The following CCDC125 variants were observed in gnomAD, a reference collection of about 807,000 sequenced individuals.
The protein encoded by CCDC125 is coiled-coil domain-containing protein 125.
In CCDC125, 43 loss-of-function variants were observed where a neutral mutation model predicts 57.4. The observed-to-expected ratio is 0.75, with a 90% CI of 0.59 to 0.97. The LOEUF (loss-of-function observed/expected upper bound fraction) is 0.97. Ranked by LOEUF, CCDC125 falls within the 50% of genes least tolerant of loss-of-function variation. The probability of loss-of-function intolerance (pLI) is 0.00; values close to 1 mark genes in which losing one functional copy is unlikely to be tolerated. For synonymous variants in CCDC125, 187 were observed against 195.2 expected, an observed-to-expected ratio of 0.96 and a Z score of 0.35; for missense variants, 563 against 595.7, an observed-to-expected ratio of 0.95 and a Z score of 0.57.
At chr5:69,283,875 C>T (rs377448296) in intron 11 of CCDC125, among the ~76,000 whole-genome samples, 87 of 151,728 alleles carry the variant, frequency 5.7e-4, no homozygotes, top group South Asian at 3.5e-3. Context: ...CTGCAAGCTC[C>T]GCTCTCCTGG....
intron 9 of CCDC125, among the ~76,000 whole-genome samples, chr5:69,293,396 A>C (rs953068759): frequency 7.2e-5 from 11 of 152,148 alleles, no homozygotes; most frequent in Non-Finnish European, 1.3e-4. Context: ...TCACGCCTGT[A>C]ATCCCAGCAC....
chr5:69,294,801 T>G lies in CCDC125; in HGVS notation c.916A>C (p.Lys306Gln), dbSNP rs772078031. 1.2e-6 allele frequency: 2 copies of G among 1,613,094 alleles called. No individual in the cohort carries two copies. The highest frequency in any genetic ancestry group is 2.2e-5 in the South Asian group (2 of 91,030). The change falls in exon 9 of 12, where the codon AAA (lysine) becomes CAA (glutamine). Residue 306 changes from lysine to glutamine, a missense_variant. Lys to Gln is a moderately conservative substitution (Grantham distance 53). Coordinates refer to ENST00000396496, the MANE Select transcript of CCDC125 (RefSeq NM_176816.5). Reference sequence around the variant, plus strand: ...TTGTGATAACGCAATACCTCTTGTTTGAGCTGAAGAAGCAGTTTCCGAGTG... The same window carrying G: ...TTGTGATAACGCAATACCTCTTGTTGGAGCTGAAGAAGCAGTTTCCGAGTG... Reference protein sequence around the residue: ...ASTRKLLLQLKQELEILQKSK... With the variant: ...ASTRKLLLQLQQELEILQKSK...
At chr5:69,273,915 A>G in the CCDC125 span, among the ~76,000 whole-genome samples, 2 of 152,186 alleles carry the variant, frequency 1.3e-5, no homozygotes, top group African/African-American at 4.8e-5. Flanking sequence ...ATAGATAGAT[A>G]TAGATGGATA....
rs773478953 is a variant in CCDC125 at position 69,320,325 on chromosome 5, C to T, written c.216G>A (p.Ala72=). 10 of 1,613,862 alleles carry T rather than the reference C, an allele frequency of 6.2e-6. No individual in the cohort carries two copies. The highest frequency in any genetic ancestry group is 4.0e-5 in the African/African-American group (3 of 74,866). Residue 72 remains alanine (A), a synonymous_variant, in exon 2 of 12, where the codon GCG becomes GCA. Transcript: ENST00000396496. The part of the protein sequence containing the change: ...FPRKGEERNE[A]SFQYSKHKSQ... ...TCTTATGCTTGGAATACTGAAAACT[C>T]GCTTCATTTCTTTCTTCTCCCTTTC...
downstream of CCDC125, chr5:69,276,763 T>C: frequency 1.6e-6 from 2 of 1,255,566 alleles, no homozygotes; most frequent in South Asian, 2.6e-5. Context: ...GGCTAGCGAC[T>C]GAACAACAGC....
At chr5:69,277,150 A>C (rs1256827990), downstream of CCDC125, 10 of 1,587,842 alleles carry the variant, frequency 6.3e-6, no homozygotes, top group Admixed American at 1.8e-4. Context: ...AACACTGGAC[A>C]ACATTTTACT....
At chr5:69,293,629 C>A (rs1437487295) in intron 9 of CCDC125, among the ~76,000 whole-genome samples, 1 of 137,686 alleles carries the variant, frequency 7.3e-6, no homozygotes, top group Non-Finnish European at 1.5e-5. Flanking sequence ...GCCTGGGCGA[C>A]AGAGCAAGAA....
At chr5:69,331,267 C>T (rs1761382075) in intron 1 of CCDC125, among the ~76,000 whole-genome samples, 1 of 151,846 alleles carries the variant, frequency 6.6e-6, no homozygotes, top group African/African-American at 2.4e-5. Flanking sequence ...GCACTATTGT[C>T]TGTCACCCAC....
At chr5:69,289,862 CA>C (rs11284379) in intron 10 of CCDC125, among the ~76,000 whole-genome samples, 63,681 of 111,530 alleles carry the variant, frequency 0.57, 14,546 homozygotes, top group African/African-American at 0.58. Context: ...GATGCTGCCT[CA>C]AAAAAAAAAA....
chr5:69,317,427 C>T (rs193057687), intron 2 of CCDC125, among the ~76,000 whole-genome samples: 56 of 152,182 alleles, frequency 3.7e-4, no homozygotes, highest in African/African-American at 1.3e-3. Flanking sequence ...AAAAATAATC[C>T]CATTCTGATT....
At chr5:69,318,588 C>CAAA (rs111666293) in intron 2 of CCDC125, among the ~76,000 whole-genome samples, 13 of 130,158 alleles carry the variant, frequency 1.0e-4, no homozygotes, top group African/African-American at 3.2e-4. Flanking sequence ...ACTAAAAATA[C>CAAA]AAAAAAAAAA....
intron 1 of CCDC125, among the ~76,000 whole-genome samples, chr5:69,324,214 A>G (rs1760446994): frequency 6.6e-6 from 1 of 152,240 alleles, no homozygotes; most frequent in East Asian, 1.9e-4. Context: ...ATACCCTTAA[A>G]AGATTTGAAC....
intron 2 of CCDC125, among the ~76,000 whole-genome samples, chr5:69,319,477 G>A (rs1037278432): frequency 2.0e-5 from 3 of 150,354 alleles, no homozygotes; most frequent in African/African-American, 4.9e-5. Context: ...TATAAACATC[G>A]ACTACTTTTT....
chr5:69,279,678 C>G (rs779814636), downstream of CCDC125, among the ~76,000 whole-genome samples: 1 of 151,904 alleles, frequency 6.6e-6, no homozygotes, highest in Non-Finnish European at 1.5e-5. Flanking sequence ...CTGACTTCCT[C>G]GTGTGTGTGT....
chr5:69,273,767 T>G, the CCDC125 span, among the ~76,000 whole-genome samples: 1 of 152,186 alleles, frequency 6.6e-6, no homozygotes, highest in Non-Finnish European at 1.5e-5. Context: ...ATATTAAGCA[T>G]ACAAAATAGA....
At chr5:69,315,456 A>C (rs1279005729) in intron 2 of CCDC125, among the ~76,000 whole-genome samples, 3 of 9,314 alleles carry the variant, frequency 3.2e-4, no homozygotes, top group African/African-American at 4.9e-4. Context: ...AAAACAAAAA[A>C]AAAAACAAAA....
At chr5:69,294,072 T>C (rs1754935228) in intron 9 of CCDC125, 1 of 844,840 alleles carries the variant, frequency 1.2e-6, no homozygotes, top group Admixed American at 6.2e-5. Flanking sequence ...AACCTAGGTC[T>C]GGCTGGGACA....
chr5:69,285,547 CT>C, intron 10 of CCDC125, 80 bp from the exon 11 acceptor site: 2 of 1,416,356 alleles, frequency 1.4e-6, no homozygotes, highest in Non-Finnish European at 1.9e-6. Context: ...GTAACTTGAT[CT>C]CTAGGACAAG....
chr5:69,279,405 C>T (rs555164152), downstream of CCDC125, among the ~76,000 whole-genome samples: 75 of 152,208 alleles, frequency 4.9e-4, no homozygotes, highest in African/African-American at 1.8e-3. Flanking sequence ...ACTGTGTTAG[C>T]CAGGATGGTC....
Sources: gnomAD v4.1 joint callset for allele counts (sites outside exome capture counted in the v4.1 genomes callset) on GRCh38, gnomAD v4.1.1 for gene constraint, MANE v1.5 for transcripts, NCBI Gene and HGNC (gene_info 2026-07-23, HGNC 2026-07-21) for gene names.